Variants in ENTREP2 observed in about 807,000 individuals in gnomAD.
The protein encoded by ENTREP2 is endosomal transmembrane epsin interactor 2.
chr15:29,437,470 C>T, the ENTREP2 span, among the ~76,000 whole-genome samples: 1 of 152,206 alleles, frequency 6.6e-6, no homozygotes, highest in Non-Finnish European at 1.5e-5. Context: ...TAACAGAACA[C>T]TTCATATAAT....
the ENTREP2 span, among the ~76,000 whole-genome samples, chr15:29,446,255 T>C: frequency 6.6e-6 from 1 of 152,302 alleles, no homozygotes; most frequent in South Asian, 2.1e-4. Context: ...CATTTTGTTA[T>C]AGCAACCCCA....
chr15:29,470,181 C>T, the ENTREP2 span, among the ~76,000 whole-genome samples: 817 of 152,274 alleles, frequency 5.4e-3, 8 homozygotes, highest in African/African-American at 0.018. Context: ...TGTGTGAACA[C>T]GGGCAGGATC....
the ENTREP2 span, among the ~76,000 whole-genome samples, chr15:29,156,176 G>C: frequency 6.6e-6 from 1 of 151,812 alleles, no homozygotes; most frequent in South Asian, 2.1e-4. Context: ...GGTGGTGGTG[G>C]CGTTTTTGTT....
At chr15:29,206,967 T>C in the ENTREP2 span, among the ~76,000 whole-genome samples, 2 of 152,072 alleles carry the variant, frequency 1.3e-5, no homozygotes, top group Non-Finnish European at 2.9e-5. Context: ...TTCACCACTG[T>C]CTCCCCGGCA....
chr15:29,480,067 A>T, the ENTREP2 span, among the ~76,000 whole-genome samples: 3 of 152,248 alleles, frequency 2.0e-5, no homozygotes, highest in South Asian at 6.2e-4. Context: ...CACTGATGTG[A>T]TCTGTTATTA....
chr15:29,630,951 G>A, the ENTREP2 span, among the ~76,000 whole-genome samples: 267 of 152,292 alleles, frequency 1.8e-3, 1 homozygote, highest in East Asian at 0.019. Flanking sequence ...CAAAATGGTG[G>A]CATTACAGGC....
At chr15:29,118,643 G>A in the ENTREP2 span, among the ~76,000 whole-genome samples, 1 of 152,230 alleles carries the variant, frequency 6.6e-6, no homozygotes, top group Non-Finnish European at 1.5e-5. Flanking sequence ...AGGGAGCCAG[G>A]GAGCCTTGGG....
At chr15:29,641,197 A>G in the ENTREP2 span, among the ~76,000 whole-genome samples, 1 of 152,352 alleles carries the variant, frequency 6.6e-6, no homozygotes, top group Non-Finnish European at 1.5e-5. Context: ...GCATCTATGA[A>G]AAACTTACAG....
At chr15:29,648,009 A>C in the ENTREP2 span, among the ~76,000 whole-genome samples, 1 of 152,200 alleles carries the variant, frequency 6.6e-6, no homozygotes, top group Non-Finnish European at 1.5e-5. Flanking sequence ...AAAACACGCA[A>C]CCAGAAAACT....
the ENTREP2 span, among the ~76,000 whole-genome samples, chr15:29,264,777 C>A: frequency 6.6e-6 from 1 of 152,126 alleles, no homozygotes; most frequent in Non-Finnish European, 1.5e-5. Flanking sequence ...TTGAGGTTAT[C>A]TCTAAGTAAA....
chr15:29,219,996 C>T, the ENTREP2 span, among the ~76,000 whole-genome samples: 24 of 151,598 alleles, frequency 1.6e-4, no homozygotes, highest in Admixed American at 3.9e-4. Flanking sequence ...ACCACCTGTT[C>T]GCCAATAACT....
chr15:29,392,029 T>C, the ENTREP2 span, among the ~76,000 whole-genome samples: 6 of 152,240 alleles, frequency 3.9e-5, no homozygotes, highest in South Asian at 2.1e-4. Context: ...AGGGTTTCAC[T>C]GTGTTAGCCA....
chr15:29,178,419 C>T, the ENTREP2 span, among the ~76,000 whole-genome samples: 6 of 152,174 alleles, frequency 3.9e-5, no homozygotes, highest in South Asian at 8.3e-4. Context: ...TGCATCTCTC[C>T]GTTTTCACAA....
chr15:29,143,646 C>T, the ENTREP2 span, among the ~76,000 whole-genome samples: 1 of 152,132 alleles, frequency 6.6e-6, no homozygotes, highest in Non-Finnish European at 1.5e-5. Context: ...AAAGGGTGGC[C>T]GAAGGGCTTA....
At chr15:29,575,124 A>C in the ENTREP2 span, among the ~76,000 whole-genome samples, 2 of 152,160 alleles carry the variant, frequency 1.3e-5, no homozygotes, top group Non-Finnish European at 2.9e-5. Context: ...GGGACCCAGT[A>C]AACCAGTCCC....
At chr15:29,179,314 G>A in the ENTREP2 span, among the ~76,000 whole-genome samples, 1 of 152,248 alleles carries the variant, frequency 6.6e-6, no homozygotes, top group African/African-American at 2.4e-5. Flanking sequence ...ATGTGCAAAT[G>A]CACAATGCAA....
chr15:29,254,161 CAAAAAAAAAAAAAA>C, the ENTREP2 span, among the ~76,000 whole-genome samples: 6 of 61,336 alleles, frequency 9.8e-5, no homozygotes, highest in South Asian at 2.3e-3. Context: ...TGTTAAAGAG[CAAAAAAAAAAAAAA>C]AAAAAAAAAA....
At chr15:29,242,663 G>A in the ENTREP2 span, among the ~76,000 whole-genome samples, 1 of 152,222 alleles carries the variant, frequency 6.6e-6, no homozygotes, top group Non-Finnish European at 1.5e-5. Context: ...ATGGTGCCAG[G>A]CCCTGGATGT....
At chr15:29,295,262 G>A in the ENTREP2 span, among the ~76,000 whole-genome samples, 1 of 152,346 alleles carries the variant, frequency 6.6e-6, no homozygotes, top group East Asian at 1.9e-4. Flanking sequence ...CACTGACGAC[G>A]ATGGGCAGCT....
Sources: gnomAD v4.1 joint callset for allele counts (sites outside exome capture counted in the v4.1 genomes callset) on GRCh38, gnomAD v4.1.1 for gene constraint, MANE v1.5 for transcripts, NCBI Gene and HGNC (gene_info 2026-07-23, HGNC 2026-07-21) for gene names.